The following COL19A1 variants were observed in gnomAD, a reference collection of about 807,000 sequenced individuals.
COL19A1 encodes collagen type XIX alpha 1 chain, also known as collagen alpha-1(XIX) chain.
Under a neutral mutation model 190.2 loss-of-function variants are expected in COL19A1, and 159 were observed. The ratio of observed to expected loss-of-function variants is 0.84; its 90% CI spans 0.73 to 0.95. The LOEUF is 0.95. COL19A1 is among the 40% of genes least tolerant of loss of function. The pLI is 0.00. For synonymous variants in COL19A1, 509 were observed against 458.9 expected, an observed-to-expected ratio of 1.11 and a Z score of -1.39; for missense variants, 1,418 against 1,431.9, an observed-to-expected ratio of 0.99 and a Z score of 0.16.
Position 70,024,616 on chromosome 6 carries a change from G to T in COL19A1, c.1080+936G>T, listed in dbSNP as rs78528624. ...GTGTGTGTGTGTGTGTGTGTGTGTG[G>T]GTGTGTGGGTGTGTGTGTGTGGAGT... On this transcript the variant is annotated intron_variant, in intron 12 of 50. Transcript: ENST00000620364. 5.6e-3 allele frequency among the ~76,000 whole-genome samples: 678 copies of T among 120,088 alleles called. 5 individuals are homozygous for T. Among genetic ancestry groups the T allele is most frequent in the East Asian group, 0.02 (65 of 3,300 alleles). The allele number at this position is 120,088 out of a possible 152,430, so 78.8% of individuals were successfully genotyped here. A position where few individuals can be genotyped will look rare whatever the true frequency, so the allele number is the denominator to read the frequency against.
rs901432208 is a variant in COL19A1 at position 69,961,708 on chromosome 6, A to AAC, written c.982-1108_982-1107dup. 7.9e-5 allele frequency among the ~76,000 whole-genome samples: 12 copies of AAC among 152,204 alleles called. No homozygotes were observed. In the East Asian group the frequency reaches 2.1e-3, roughly 27 times the overall value. On this transcript the variant is annotated intron_variant, in intron 10 of 50. Transcript: ENST00000620364. ...AATAATTATTTAATTACATGCATGT[A>AAC]ACACACACACATATATTATTTAATC...
In COL19A1 at chr6:70,208,893, C is replaced by A. The variant is rs1258532515; in HGVS notation, c.*1619C>A. 6.6e-6 allele frequency: 1 copy of A among 152,602 alleles called. No individual in the cohort carries two copies. Among genetic ancestry groups the A allele is most frequent in the Non-Finnish European group, 1.5e-5 (1 of 68,036 alleles). The allele number at this position is 152,602 out of a possible 1,614,324, so 9.5% of individuals were successfully genotyped here. On this transcript the variant is annotated 3_prime_UTR_variant, in exon 51 of 51. Coordinates refer to ENST00000620364, the MANE Select transcript of COL19A1 (RefSeq NM_001858.6). Reference sequence around the variant, plus strand: ...CCGGTTTTCATTATAGATTAATGAACTGCTGGTCAGGTACTGTCTACAATG... The same window carrying A: ...CCGGTTTTCATTATAGATTAATGAAATGCTGGTCAGGTACTGTCTACAATG...
intron 2 of COL19A1, among the ~76,000 whole-genome samples, chr6:69,898,714 G>A (rs897809049): frequency 2.0e-5 from 3 of 152,060 alleles, no homozygotes; most frequent in Non-Finnish European, 2.9e-5. Context: ...AATAATAATG[G>A]CTAACACTAA....
At chr6:69,970,602 T>A (rs1333747622) in intron 11 of COL19A1, among the ~76,000 whole-genome samples, 1 of 152,218 alleles carries the variant, frequency 6.6e-6, no homozygotes, top group African/African-American at 2.4e-5. Flanking sequence ...TGCAAGTATG[T>A]TAAATACTGC....
chr6:70,171,969 G>A lies in COL19A1; in HGVS notation c.2574G>A (p.Glu858=), dbSNP rs1414558622. The part of the protein sequence containing the change: ...GPKGDPGPVG[E]PGAMGLPGLE... Reference sequence around the variant, plus strand: ...CTTATGTTCATATTTAACAGGGAGAGCCTGGTGCAATGGGGTTGCCAGGAT... The same window carrying A: ...CTTATGTTCATATTTAACAGGGAGAACCTGGTGCAATGGGGTTGCCAGGAT... Residue 858 remains glutamate, a synonymous_variant, in exon 41 of 51, where the codon GAG becomes GAA. Transcript: ENST00000620364. 1.9e-6 allele frequency: 3 copies of A among 1,612,738 alleles called. No individual in the cohort carries two copies. The highest frequency in any genetic ancestry group is 1.7e-5 in the Admixed American group (1 of 59,858).
intron 11 of COL19A1, among the ~76,000 whole-genome samples, chr6:69,987,868 A>G (rs1776395511): frequency 6.6e-6 from 1 of 152,206 alleles, no homozygotes; most frequent in Non-Finnish European, 1.5e-5. Flanking sequence ...GGGCTTTCTC[A>G]ACCCAGGGTT....
intron 39 of COL19A1, 76 bp downstream of exon 39, chr6:70,168,291 A>C (rs1200977000): frequency 3.4e-5 from 51 of 1,479,046 alleles, no homozygotes; most frequent in Non-Finnish European, 4.4e-5. Flanking sequence ...AAAACCTCTT[A>C]AGTTCACTGA....
At chr6:70,169,952 G>A (rs1554220804) in intron 40 of COL19A1, among the ~76,000 whole-genome samples, 1 of 151,978 alleles carries the variant, frequency 6.6e-6, no homozygotes, top group Non-Finnish European at 1.5e-5. Flanking sequence ...TATAATAAAG[G>A]ATAAATTATA....
chr6:69,923,633 G>GGAA (rs1772149938), intron 4 of COL19A1, among the ~76,000 whole-genome samples: 2 of 152,076 alleles, frequency 1.3e-5, no homozygotes, highest in Admixed American at 6.6e-5. Flanking sequence ...AAAAAACTGG[G>GGAA]GAAGAAGACA....
intron 31 of COL19A1, among the ~76,000 whole-genome samples, chr6:70,151,796 C>G (rs911329282): frequency 2.0e-5 from 3 of 152,092 alleles, no homozygotes; most frequent in East Asian, 3.9e-4. Flanking sequence ...TTGACTCACC[C>G]TGGCTCACTA....
intron 27 of COL19A1, among the ~76,000 whole-genome samples, chr6:70,149,322 A>G (rs1786880381): frequency 6.6e-6 from 1 of 152,164 alleles, no homozygotes. Flanking sequence ...CTGGTGATTT[A>G]TTCCAAGAGA....
chr6:70,156,380 C>G lies in COL19A1; in HGVS notation c.2238+11C>G. On this transcript the variant is annotated intron_variant, in intron 33 of 50. Coordinates refer to ENST00000620364, the MANE Select transcript of COL19A1 (RefSeq NM_001858.6). ...AGAGAGGGACCAAAGGTAAGAAATT[C>G]TCTCCTCCACTTTCCCCTGTGGGAA... The G allele has an allele frequency of 2.5e-6, 4 of 1,612,760 alleles. No homozygotes were observed. Among genetic ancestry groups the G allele is most frequent in the Non-Finnish European group, 3.4e-6 (4 of 1,179,302 alleles).
intron 11 of COL19A1, among the ~76,000 whole-genome samples, chr6:69,990,935 G>T (rs1002139763): frequency 6.6e-6 from 1 of 151,988 alleles, no homozygotes; most frequent in Admixed American, 6.6e-5. Flanking sequence ...TGGCAGGTTT[G>T]TTACATGAGT....
chr6:70,144,955 C>A lies in COL19A1; in HGVS notation c.1718C>A (p.Pro573Gln), dbSNP rs1394100423. Reference sequence around the variant, plus strand: ...GGGATCATAGGCCCTCCCGGGCTTCCAGGTCCAAAAGGTGAGGCTGGTCCT... The same window carrying A: ...GGGATCATAGGCCCTCCCGGGCTTCAAGGTCCAAAAGGTGAGGCTGGTCCT... ...PGGIIGPPGL[P>Q]GPKGEAGPPG... Residue 573 changes from proline (P) to glutamine (Q), a missense_variant, in exon 25 of 51, where the codon CCA becomes CAA. Pro to Gln is a moderately conservative substitution (Grantham distance 76). Transcript: ENST00000620364. 9 of 1,593,472 alleles carry A rather than the reference C, an allele frequency of 5.6e-6. No individual in the cohort carries two copies. In the South Asian group the frequency reaches 1.0e-4, roughly 18 times the overall value.
chr6:70,033,308 G>C (rs907901914), intron 12 of COL19A1, among the ~76,000 whole-genome samples: 5 of 152,090 alleles, frequency 3.3e-5, no homozygotes, highest in African/African-American at 1.2e-4. Flanking sequence ...CAAAATGTCA[G>C]GGCAGTAATA....
chr6:69,945,907 A>G (rs1266166833), intron 9 of COL19A1, among the ~76,000 whole-genome samples: 1 of 152,054 alleles, frequency 6.6e-6, no homozygotes, highest in Non-Finnish European at 1.5e-5. Flanking sequence ...GGATAAATTT[A>G]TTAGACTGAA....
chr6:70,178,651 A>C (rs2150283080), intron 42 of COL19A1, among the ~76,000 whole-genome samples: 1 of 152,222 alleles, frequency 6.6e-6, no homozygotes, highest in South Asian at 2.1e-4. Context: ...CCATGATAAA[A>C]ATTTTTTTTC....
At position 69,956,383 on chromosome 6, in the gene COL19A1, C is replaced by CTA. The variant is rs1267342374; in HGVS notation, c.937-3603_937-3602dup. ...AAAGTTTGAGATTTTAAATTCTTTG[C>CTA]TATATATATATTTTTAACTTGGTAA... On this transcript the variant is annotated intron_variant, in intron 9 of 50. Transcript: ENST00000620364. 9.9e-5 allele frequency among the ~76,000 whole-genome samples: 15 copies of CTA among 151,532 alleles called. No individual in the cohort carries two copies. In the East Asian group the frequency reaches 1.7e-3, roughly 18 times the overall value.
intron 2 of COL19A1, among the ~76,000 whole-genome samples, chr6:69,894,410 T>G (rs539333889): frequency 1.5e-3 from 232 of 152,326 alleles, no homozygotes; most frequent in African/African-American, 5.3e-3. Flanking sequence ...CTTAAAACAC[T>G]TAGCAAACCT....
Sources: gnomAD v4.1 joint callset for allele counts (sites outside exome capture counted in the v4.1 genomes callset) on GRCh38, gnomAD v4.1.1 for gene constraint, MANE v1.5 for transcripts, NCBI Gene and HGNC (gene_info 2026-07-23, HGNC 2026-07-21) for gene names.